Variants in MBTPS1 observed in about 807,000 individuals in gnomAD.
MBTPS1 encodes the protein membrane bound transcription factor peptidase, site 1, also known as membrane-bound transcription factor site-1 protease.
In MBTPS1, 94 loss-of-function variants were observed where a neutral mutation model predicts 127.8. The observed-to-expected ratio is 0.74, with a 90% confidence interval of 0.62 to 0.87. The LOEUF (loss-of-function observed/expected upper bound fraction) is 0.87, where lower values mean the gene tolerates loss of function less well. Ranked by LOEUF, MBTPS1 falls within the 40% of genes least tolerant of loss-of-function variation. The pLI is 0.00. For missense variants in MBTPS1, 1,636 were observed against 1,353.2 expected (o/e 1.21, Z -3.28); for synonymous variants, 632 against 509.4 (o/e 1.24, Z -3.24).
chr16:84,084,937 C>T (rs1425008496), intron 10 of MBTPS1, 46 bp downstream of exon 10: 3 of 1,594,594 alleles, frequency 1.9e-6, no homozygotes, highest in Non-Finnish European at 2.6e-6. Context: ...ACCGAGTGCT[C>T]CTGTCCTGAC....
intron 11 of MBTPS1, among the ~76,000 whole-genome samples, chr16:84,079,638 G>A (rs58962579): frequency 2.0e-4 from 30 of 152,352 alleles, no homozygotes; most frequent in African/African-American, 6.5e-4. Context: ...ACATATTGTG[G>A]ATAATGAGAG....
chr16:84,066,539 C>A lies in MBTPS1; in HGVS notation c.2303G>T (p.Gly768Val). The A allele has an allele frequency of 1.2e-6, 2 of 1,614,166 alleles. No homozygotes were observed. The highest frequency in any genetic ancestry group is 8.5e-7 in the Non-Finnish European group (1 of 1,180,024). Residue 768 changes from glycine to valine, a missense_variant, in exon 17 of 23, where the codon GGG becomes GTG. Physicochemically the swap from Gly to Val is moderately radical, Grantham distance 109 (BLOSUM62 -3). Transcript: ENST00000343411. Reference sequence around the variant, plus strand: ...CCCTTCATACAGGCCATCGCTGAACCCCATGTTCCACACAGACAGCAGCTC... The same window carrying A: ...CCCTTCATACAGGCCATCGCTGAACACCATGTTCCACACAGACAGCAGCTC... ...LNELLSVWNM[G>V]FSDGLYEGEF...
In MBTPS1 at chr16:84,093,818, G is replaced by C. The variant is rs748987426; in HGVS notation, c.629C>G (p.Ala210Gly). 4 of 1,598,820 alleles carry C rather than the reference G, an allele frequency of 2.5e-6. No individual in the cohort carries two copies. In the South Asian group the frequency reaches 3.3e-5, roughly 13 times the overall value. ...GTCAAAAACAGCAACTCTTACATTAGCACCTTATTCGGAAAAGAAAGCAAA... is the reference window on the plus strand; with the variant it reads ...GTCAAAAACAGCAACTCTTACATTACCACCTTATTCGGAAAAGAAAGCAAA... Reference protein sequence around the residue: ...DVLWQMGYTGANVRVAVFDTG... With the variant: ...DVLWQMGYTGGNVRVAVFDTG... Residue 210 changes from alanine (A) to glycine (G), a missense_variant, in exon 5 of 23, where the codon GCT (alanine) becomes GGT (glycine). By Grantham distance (60) the Ala-to-Gly change is moderately conservative. Transcript: ENST00000343411.
intron 1 of MBTPS1, among the ~76,000 whole-genome samples, chr16:84,114,382 C>G (rs1403104060): frequency 2.0e-5 from 3 of 152,188 alleles, no homozygotes; most frequent in Non-Finnish European, 4.4e-5. Context: ...TCACTACAGT[C>G]AAGAGTGAGA....
Position 84,081,807 on chromosome 16 carries a change from T to TG in MBTPS1, c.1387dup (p.His463ProfsTer31). 6.5e-7 allele frequency: 1 copy of TG among 1,532,160 alleles called. No individual in the cohort carries two copies. The highest frequency in any genetic ancestry group is 1.4e-5 in the African/African-American group (1 of 71,332). 94.9% of individuals were successfully genotyped at this position (1,532,160 alleles called of 1,614,324 possible). On this transcript the variant is annotated frameshift_variant, in exon 11 of 23. Transcript: ENST00000343411. LOFTEE classifies it high-confidence loss of function. Reference sequence around the variant, plus strand: ...GGCTCTGAGCAGATCGAGCTTGCCGTGGCCTTGCTCAAACATGTTGACCCC... The same window carrying TG: ...GGCTCTGAGCAGATCGAGCTTGCCGTGGGCCTTGCTCAAACATGTTGACCCC...
chr16:84,063,531 TAAAC>T (rs2085643431), intron 18 of MBTPS1, 86 bp from the exon 19 acceptor site: 2 of 1,119,422 alleles, frequency 1.8e-6, no homozygotes, highest in Non-Finnish European at 1.2e-6. Flanking sequence ...ACGTGACAAA[TAAAC>T]CACATTTACA....
At chr16:84,089,609 C>T (rs147958413) in intron 8 of MBTPS1, among the ~76,000 whole-genome samples, 1 of 152,232 alleles carries the variant, frequency 6.6e-6, no homozygotes, top group Non-Finnish European at 1.5e-5. Context: ...TGTCTGATTT[C>T]AGTCTCATAG....
intron 12 of MBTPS1, chr16:84,071,855 G>C (rs1200055066): frequency 1.3e-5 from 2 of 152,168 alleles, no homozygotes; most frequent in Non-Finnish European, 2.9e-5. Flanking sequence ...CTCTATGACA[G>C]GGCGATCATG....
intron 13 of MBTPS1, 48 bp downstream of exon 13, chr16:84,070,540 T>C (rs1051579671): frequency 2.5e-6 from 4 of 1,587,372 alleles, no homozygotes; most frequent in Admixed American, 3.5e-5. Flanking sequence ...CCCTGAAAGG[T>C]GATGTCAAAC....
intron 2 of MBTPS1, among the ~76,000 whole-genome samples, chr16:84,101,136 TA>T (rs1429781506): frequency 4.0e-5 from 6 of 151,364 alleles, no homozygotes; most frequent in Non-Finnish European, 8.8e-5. Flanking sequence ...CCATCTCTAC[TA>T]AAAATAGAAA....
chr16:84,095,048 C>T (rs2151164790), intron 4 of MBTPS1, among the ~76,000 whole-genome samples: 1 of 152,320 alleles, frequency 6.6e-6, no homozygotes, highest in Non-Finnish European at 1.5e-5. Context: ...CCTTATTGTT[C>T]TGAATTTTAT....
chr16:84,116,585 C>A (rs2086482844), intron 1 of MBTPS1, 150 bp downstream of exon 1: 1 of 152,240 alleles, frequency 6.6e-6, no homozygotes, highest in Non-Finnish European at 1.5e-5. Flanking sequence ...CAAACAAGCG[C>A]CGGAGGCCCC....
Position 84,099,232 on chromosome 16 carries a change from T to C in MBTPS1, c.242A>G (p.Glu81Gly), listed in dbSNP as rs141669553. Residue 81 changes from glutamate to glycine, a missense_variant, in exon 3 of 23, where the codon GAA becomes GGA. Transcript: ENST00000343411. ...SFISSALKSS[E>G]VDNWRIIPRN... Reference sequence around the variant, plus strand: ...AGGTATAATTCTCCAATTGTCTACTTCACTGCTCTTCAGGGCACTTGAAAT... The same window carrying C: ...AGGTATAATTCTCCAATTGTCTACTCCACTGCTCTTCAGGGCACTTGAAAT... 1,340 of 1,614,170 alleles carry C rather than the reference T, an allele frequency of 8.3e-4. 3 individuals carry two copies. The highest frequency in any genetic ancestry group is 1.1e-3 in the Non-Finnish European group (1,263 of 1,179,976).
In MBTPS1 at chr16:84,066,513, C is replaced by T; in HGVS notation, c.2329G>A (p.Glu777Lys). The change falls in exon 17 of 23, where the codon GAG becomes AAG. Residue 777 changes from glutamate (E) to lysine (K), a missense_variant. Transcript: ENST00000343411. ...CTGTCATGGTTGGCCAGGGTGAACT[C>T]CCCTTCATACAGGCCATCGCTGAAC... ...MGFSDGLYEG[E>K]FTLANHDMYY... 4 of 1,614,100 alleles carry T rather than the reference C, an allele frequency of 2.5e-6. No homozygotes were observed. The highest frequency in any genetic ancestry group is 3.4e-6 in the Non-Finnish European group (4 of 1,179,986).
At chr16:84,080,751 C>T (rs898419990) in intron 11 of MBTPS1, among the ~76,000 whole-genome samples, 8 of 152,228 alleles carry the variant, frequency 5.3e-5, no homozygotes, top group African/African-American at 1.9e-4. Flanking sequence ...CCTCTTCCTC[C>T]CCAGTCCTCC....
intron 11 of MBTPS1, among the ~76,000 whole-genome samples, chr16:84,078,927 C>A (rs1428000857): frequency 6.6e-6 from 1 of 152,204 alleles, no homozygotes; most frequent in African/African-American, 2.4e-5. Context: ...CGAGTGGGAA[C>A]TGACATGGTT....
intron 11 of MBTPS1, among the ~76,000 whole-genome samples, chr16:84,076,006 C>T (rs1004324604): frequency 2.0e-5 from 3 of 152,084 alleles, no homozygotes; most frequent in Non-Finnish European, 4.4e-5. Flanking sequence ...CAGTTTAATT[C>T]GACTACTAAT....
chr16:84,077,617 G>A (rs1011027084), intron 11 of MBTPS1, among the ~76,000 whole-genome samples: 1 of 152,138 alleles, frequency 6.6e-6, no homozygotes, highest in Non-Finnish European at 1.5e-5. Context: ...GGAATTTCAA[G>A]TAAATAAAAG....
At chr16:84,091,696 T>A (rs757951959) in intron 7 of MBTPS1, 36 bp downstream of exon 7, 27 of 1,424,196 alleles carry the variant, frequency 1.9e-5, no homozygotes, top group Non-Finnish European at 2.6e-5. Flanking sequence ...GAGCAGGAGC[T>A]GTCACCCAAA....
Sources: gnomAD v4.1 joint callset for allele counts (sites outside exome capture counted in the v4.1 genomes callset) on GRCh38, gnomAD v4.1.1 for gene constraint, MANE v1.5 for transcripts, NCBI Gene and HGNC (gene_info 2026-07-23, HGNC 2026-07-21) for gene names.